Variants in FRRS1 observed in about 807,000 individuals in gnomAD.
The protein encoded by FRRS1 is ferric reductase 1.
FRRS1 carries 51 observed loss-of-function variants against 70.7 expected under a neutral mutation model. The ratio of observed to expected loss-of-function variants is 0.72; its 90% confidence interval spans 0.58 to 0.91. FRRS1 has a LOEUF of 0.91. Among genes scored for constraint, FRRS1 ranks in the 40% least tolerant of loss-of-function variants. The pLI is 0.00. For synonymous variants in FRRS1, 225 were observed against 238.7 expected (o/e 0.94, Z 0.53); for missense variants, 672 against 726.0 (o/e 0.93, Z 0.86).
rs939815068 is a variant in FRRS1 at position 99,705,238 on chromosome 1, C to G, written c.*3790G>C. Among the ~76,000 whole-genome samples, 2 of 152,168 alleles carry G rather than the reference C, an allele frequency of 1.3e-5. No homozygotes were observed. ...AGCCAGCCACATCCCCATTCCACAC[C>G]CTGCAAGGGGGACAAGGGAACATTT... On this transcript the variant is annotated 3_prime_UTR_variant, in exon 17 of 17. Transcript: ENST00000646001.
chr1:99,761,429 T>C (rs1188737630), intron 1 of FRRS1, among the ~76,000 whole-genome samples: 3 of 152,162 alleles, frequency 2.0e-5, no homozygotes, highest in Non-Finnish European at 1.5e-5. Flanking sequence ...ACCTGACCAA[T>C]TTTTCCATTT....
At chr1:99,742,111 C>T in intron 5 of FRRS1, 68 bp downstream of exon 5, 1 of 979,870 alleles carries the variant, frequency 1.0e-6, no homozygotes, top group Non-Finnish European at 1.6e-6. Context: ...ACCTTGGCAT[C>T]CCAAAGTGCT....
At chr1:99,719,844 T>TA (rs1257843636) in intron 9 of FRRS1, among the ~76,000 whole-genome samples, 197 bp from the exon 10 acceptor site, 1 of 152,094 alleles carries the variant, frequency 6.6e-6, no homozygotes, top group Non-Finnish European at 1.5e-5. Flanking sequence ...TGAAAAAAGT[T>TA]AAAGAATGTA....
intron 1 of FRRS1, among the ~76,000 whole-genome samples, chr1:99,756,169 A>G (rs1182849449): frequency 4.6e-5 from 7 of 152,202 alleles, no homozygotes; most frequent in Admixed American, 6.5e-5. Context: ...ACTCCTATCA[A>G]TTATGCATGA....
At chr1:99,735,155 C>T (rs1655588232) in intron 7 of FRRS1, among the ~76,000 whole-genome samples, 1 of 152,092 alleles carries the variant, frequency 6.6e-6, no homozygotes, top group African/African-American at 2.4e-5. Flanking sequence ...AATGTCATAA[C>T]AAAACGATAT....
chr1:99,710,785 A>AT (rs1654234591), intron 15 of FRRS1, 21 bp downstream of exon 15: 1 of 1,608,678 alleles, frequency 6.2e-7, no homozygotes, highest in Admixed American at 1.7e-5. Flanking sequence ...TCTACATAAC[A>AT]TGGCTTTTTT....
rs1321865609 is a variant in FRRS1 at position 99,740,783 on chromosome 1, T to G, written c.576+10A>C. The G allele has an allele frequency of 2.5e-6, 4 of 1,590,370 alleles. No homozygotes were observed. The highest frequency in any genetic ancestry group is 2.6e-6 in the Non-Finnish European group (3 of 1,158,578). On this transcript the variant is annotated intron_variant, in intron 6 of 16. Coordinates refer to ENST00000646001, the MANE Select transcript of FRRS1 (RefSeq NM_001361041.2). ...CCCATCTCTACAGAGAAAATAAAAT[T>G]GTTACTTACTGGTTTGGTTAAGTGG...
intron 13 of FRRS1, 55 bp downstream of exon 13, chr1:99,712,363 G>T (rs1012262649): frequency 7.2e-6 from 9 of 1,251,744 alleles, no homozygotes; most frequent in Non-Finnish European, 1.0e-5. Flanking sequence ...AGATTAGTTT[G>T]CCAACTAATG....
At chr1:99,738,019 G>C in intron 7 of FRRS1, 67 bp downstream of exon 7, 1 of 1,334,028 alleles carries the variant, frequency 7.5e-7, no homozygotes, top group Non-Finnish European at 1.0e-6. Context: ...GGGATTACAG[G>C]CATGAGCCAC....
chr1:99,743,271 T>A (rs1306666540), intron 4 of FRRS1, among the ~76,000 whole-genome samples: 2 of 152,106 alleles, frequency 1.3e-5, no homozygotes, highest in Non-Finnish European at 2.9e-5. Flanking sequence ...CACCTTATAG[T>A]GAAAAGAACC....
intron 1 of FRRS1, among the ~76,000 whole-genome samples, chr1:99,756,762 T>A (rs187373009): frequency 1.3e-5 from 2 of 152,318 alleles, no homozygotes; most frequent in Non-Finnish European, 2.9e-5. Flanking sequence ...CCATGTCAGA[T>A]GATTAAGCTA....
intron 9 of FRRS1, among the ~76,000 whole-genome samples, chr1:99,719,958 C>A (rs1017189744): frequency 1.3e-5 from 2 of 151,942 alleles, no homozygotes; most frequent in Non-Finnish European, 2.9e-5. Flanking sequence ...AAAATAAGTG[C>A]TGTTAATATG....
intron 1 of FRRS1, among the ~76,000 whole-genome samples, chr1:99,751,365 G>A (rs1191797120): frequency 1.3e-5 from 2 of 152,000 alleles, no homozygotes; most frequent in Admixed American, 6.6e-5. Flanking sequence ...TGGGCTTTCA[G>A]AATCACAAGT....
At position 99,738,061 on chromosome 1, in the gene FRRS1, ACTTATGTAAGTGAGAGGTAC is replaced by A; in HGVS notation, c.759+5_759+24del. 3 of 1,568,788 alleles carry A rather than the reference ACTTATGTAAGTGAGAGGTAC, an allele frequency of 1.9e-6. No homozygotes were observed. The highest frequency in any genetic ancestry group is 2.6e-6 in the Non-Finnish European group (3 of 1,150,196). On this transcript the variant is annotated splice_donor_5th_base_variant and intron_variant, in intron 7 of 16. Transcript: ENST00000646001. ...TAGCCGTGATTCTCCTTTTGTTACC[ACTTATGTAAGTGAGAGGTAC>A]CAACCATCCACTGATCATGAGACAA...
chr1:99,748,757 A>G lies in FRRS1; in HGVS notation c.12T>C (p.Ser4=), dbSNP rs749901426. Residue 4 remains serine (S), a synonymous_variant, in exon 3 of 17, where the codon TCT becomes TCC. Transcript: ENST00000646001. ...GTATGCAGGTACCAAGAGTAAATCCAGAAACTGCCATCTCAAAAAGAAGGG... is the reference window on the plus strand; with the variant it reads ...GTATGCAGGTACCAAGAGTAAATCCGGAAACTGCCATCTCAAAAAGAAGGG... MAV[S]GFTLGTCILL... 6.2e-7 allele frequency: 1 copy of G among 1,612,930 alleles called. No individual in the cohort carries two copies. The highest frequency in any genetic ancestry group is 8.5e-7 in the Non-Finnish European group (1 of 1,179,294).
chr1:99,744,969 C>CAAAAA (rs71075450), intron 4 of FRRS1, among the ~76,000 whole-genome samples: 16 of 91,766 alleles, frequency 1.7e-4, no homozygotes, highest in Non-Finnish European at 3.0e-4. Context: ...GACTCCGTCT[C>CAAAAA]AAAAAAAAAA....
intron 9 of FRRS1, among the ~76,000 whole-genome samples, chr1:99,727,309 A>G (rs1655122921): frequency 6.6e-6 from 1 of 152,196 alleles, no homozygotes; most frequent in Non-Finnish European, 1.5e-5. Flanking sequence ...ACTCATTATT[A>G]TCAAGCCATA....
rs557509842 is a variant in FRRS1 at position 99,707,196 on chromosome 1, G to C, written c.*1832C>G. 5.9e-5 allele frequency among the ~76,000 whole-genome samples: 9 copies of C among 151,854 alleles called. No individual in the cohort carries two copies. In the East Asian group the frequency reaches 1.7e-3, roughly 29 times the overall value. ...TTATTTTACCCAGTAAAAGATGTAGGCTATTAGTAGAAAGTTGGTTAAGTA... is the reference window on the plus strand; with the variant it reads ...TTATTTTACCCAGTAAAAGATGTAGCCTATTAGTAGAAAGTTGGTTAAGTA... On this transcript the variant is annotated 3_prime_UTR_variant, in exon 17 of 17. Transcript: ENST00000646001.
intron 1 of FRRS1, among the ~76,000 whole-genome samples, chr1:99,764,418 CA>C (rs951388421): frequency 6.6e-6 from 1 of 151,876 alleles, no homozygotes; most frequent in African/African-American, 2.4e-5. Context: ...TTTATAATTT[CA>C]AAAAACACTA....
Sources: allele counts gnomAD v4.1 joint callset (sites outside exome capture counted in the v4.1 genomes callset), GRCh38; gene constraint gnomAD v4.1.1; transcripts MANE v1.5; gene names NCBI Gene and HGNC (gene_info 2026-07-23, HGNC 2026-07-21).